The following CPAMD8 variants were observed in gnomAD, a reference collection of about 807,000 sequenced individuals.
CPAMD8 encodes C3 and PZP-like alpha-2-macroglobulin domain-containing protein 8.
In CPAMD8, 146 loss-of-function variants were observed where a neutral mutation model predicts 224.7. That is an observed-to-expected ratio of 0.65 (90% CI 0.57 to 0.75). The LOEUF (loss-of-function observed/expected upper bound fraction) is 0.75. Ranked by LOEUF, CPAMD8 falls within the 30% of genes least tolerant of loss-of-function variation. The probability of loss-of-function intolerance (pLI) is 0.00; values close to 1 mark genes in which losing one functional copy is unlikely to be tolerated. For missense variants in CPAMD8, 2,301 were observed against 2,537.5 expected, an observed-to-expected ratio of 0.91 and a Z score of 2.00; for synonymous variants, 966 against 1,044.6, an observed-to-expected ratio of 0.92 and a Z score of 1.45.
chr19:16,996,249 G>A (rs559737542), intron 11 of CPAMD8, among the ~76,000 whole-genome samples: 1 of 151,584 alleles, frequency 6.6e-6, no homozygotes, highest in South Asian at 2.1e-4. Context: ...GAGGCAGGCG[G>A]ATTGCTTGAA....
At chr19:17,000,835 G>A (rs1448121951) in intron 9 of CPAMD8, among the ~76,000 whole-genome samples, 1 of 152,184 alleles carries the variant, frequency 6.6e-6, no homozygotes, top group Non-Finnish European at 1.5e-5. Flanking sequence ...AGGCATGAGC[G>A]ACTGAGAGGC....
chr19:16,902,049 T>C (rs2052279608), intron 35 of CPAMD8, among the ~76,000 whole-genome samples: 1 of 151,954 alleles, frequency 6.6e-6, no homozygotes, highest in Non-Finnish European at 1.5e-5. Context: ...AACATCTTCT[T>C]AGGGTGAGGG....
At chr19:16,911,199 A>C (rs948942553) in intron 29 of CPAMD8, among the ~76,000 whole-genome samples, 1 of 152,174 alleles carries the variant, frequency 6.6e-6, no homozygotes, top group African/African-American at 2.4e-5. Flanking sequence ...CAGGTGAGCC[A>C]GCAAAGCTTC....
chr19:16,989,592 T>C, intron 13 of CPAMD8, 51 bp downstream of exon 13: 2 of 1,587,834 alleles, frequency 1.3e-6, no homozygotes, highest in Non-Finnish European at 1.7e-6. Flanking sequence ...TGGCTCATGC[T>C]GCTTTTTGGA....
intron 29 of CPAMD8, among the ~76,000 whole-genome samples, chr19:16,910,003 C>T (rs1239749623): frequency 2.0e-5 from 3 of 150,706 alleles, no homozygotes; most frequent in African/African-American, 7.3e-5. Flanking sequence ...AGGCACGTGC[C>T]ATGGTGCCTG....
intron 19 of CPAMD8, among the ~76,000 whole-genome samples, chr19:16,954,644 G>A (rs563408869): frequency 6.6e-6 from 1 of 152,228 alleles, no homozygotes; most frequent in South Asian, 2.1e-4. Context: ...AAAATAAATG[G>A]ATAAACAAAA....
In CPAMD8 at chr19:16,899,058, T is replaced by C. The variant is rs750639354; in HGVS notation, c.4848+417A>G. On this transcript the variant is annotated intron_variant, in intron 37 of 41. Coordinates refer to ENST00000443236, the MANE Select transcript of CPAMD8 (RefSeq NM_015692.5). The surrounding 1 kb of genome is among the most constrained non-coding windows in gnomAD (Gnocchi z 5.4). ...GCCTCAGCCTCCCAAATAGCTGGGATTACAGTAGCGTGCCATCACACCTGG... is the reference window on the plus strand; with the variant it reads ...GCCTCAGCCTCCCAAATAGCTGGGACTACAGTAGCGTGCCATCACACCTGG... Among the ~76,000 whole-genome samples, 2 of 152,064 alleles carry C rather than the reference T, an allele frequency of 1.3e-5. No homozygotes were observed. The highest frequency in any genetic ancestry group is 2.4e-5 in the African/African-American group (1 of 41,398).
Position 17,008,577 on chromosome 19 carries a change from G to A in CPAMD8, c.505-18C>T. 1.2e-6 allele frequency: 2 copies of A among 1,613,922 alleles called. No homozygotes were observed. The highest frequency in any genetic ancestry group is 1.7e-5 in the Admixed American group (1 of 60,014). ...CGGGGGTCCTGTTGGTGGTGGAGGG[G>A]GACAGACACACGGAGTGAACTCAGG... On this transcript the variant is annotated intron_variant, in intron 6 of 41. Transcript: ENST00000443236.
At chr19:17,004,436 T>A (rs1445304210) in intron 7 of CPAMD8, 50 bp from the exon 8 acceptor site, 1 of 1,243,396 alleles carries the variant, frequency 8.0e-7, no homozygotes, top group Non-Finnish European at 1.2e-6. Flanking sequence ...ACAGACACGG[T>A]GAGGTACGGG....
intron 11 of CPAMD8, among the ~76,000 whole-genome samples, chr19:16,995,245 T>A (rs1430568179): frequency 1.3e-5 from 2 of 152,140 alleles, no homozygotes; most frequent in Non-Finnish European, 2.9e-5. Context: ...CCAGCCAGCA[T>A]CACTCATGGA....
intron 36 of CPAMD8, among the ~76,000 whole-genome samples, chr19:16,900,133 C>G (rs1180865056): frequency 2.0e-5 from 3 of 152,080 alleles, no homozygotes; most frequent in Admixed American, 2.0e-4. Context: ...AATCCCCACC[C>G]CCATGTCCCT....
chr19:16,920,993 G>A (rs1431795656), intron 27 of CPAMD8, among the ~76,000 whole-genome samples: 2 of 152,128 alleles, frequency 1.3e-5, no homozygotes, highest in Admixed American at 1.3e-4. Flanking sequence ...CCTGGGGTGG[G>A]CGGGGCCTCT....
At chr19:17,009,258 A>C (rs767273725) in intron 6 of CPAMD8, 45 bp downstream of exon 6, 2 of 1,613,918 alleles carry the variant, frequency 1.2e-6, no homozygotes, top group South Asian at 1.1e-5. Context: ...AAGGTGGGCT[A>C]CCCGGGCCCC....
chr19:17,024,312 A>G (rs1444887740), intron 1 of CPAMD8, among the ~76,000 whole-genome samples: 1 of 152,192 alleles, frequency 6.6e-6, no homozygotes, highest in Non-Finnish European at 1.5e-5. Flanking sequence ...GGGATCACAC[A>G]TGTGCTGTCC....
At chr19:16,900,130 AC>A (rs1198871181) in intron 36 of CPAMD8, among the ~76,000 whole-genome samples, 1 of 150,312 alleles carries the variant, frequency 6.7e-6, no homozygotes, top group Non-Finnish European at 1.5e-5. Flanking sequence ...AGCAATCCCC[AC>A]CCCCATGTCC....
At chr19:16,929,614 C>G (rs570422983) in intron 23 of CPAMD8, among the ~76,000 whole-genome samples, 1 of 152,102 alleles carries the variant, frequency 6.6e-6, no homozygotes, top group Non-Finnish European at 1.5e-5. Context: ...GCAGGAGGAT[C>G]GCTTGAGCCC....
intron 39 of CPAMD8, 60 bp downstream of exon 39, chr19:16,897,631 G>A (rs1030228967): frequency 3.1e-6 from 3 of 958,434 alleles, no homozygotes; most frequent in African/African-American, 3.5e-5. Context: ...TGGCGTCCGA[G>A]GGTGGGAGTC....
chr19:16,919,642 A>C (rs764657056), intron 27 of CPAMD8, among the ~76,000 whole-genome samples: 69 of 152,388 alleles, frequency 4.5e-4, no homozygotes, highest in Non-Finnish European at 9.4e-4. Context: ...CTTGTTACAC[A>C]GCAGTGGATA....
intron 1 of CPAMD8, among the ~76,000 whole-genome samples, chr19:17,022,916 C>T (rs11669478): frequency 0.28 from 42,062 of 151,944 alleles, 6,574 homozygotes; most frequent in Non-Finnish European, 0.37. Flanking sequence ...CCCCCACCAC[C>T]GTGAGAAGTG....
Sources: allele counts gnomAD v4.1 joint callset (sites outside exome capture counted in the v4.1 genomes callset), GRCh38; gene constraint gnomAD v4.1.1; non-coding constraint Gnocchi (gnomAD v3.1); transcripts MANE v1.5; gene names NCBI Gene and HGNC (gene_info 2026-07-23, HGNC 2026-07-21).